The following DLG2 variants were observed in gnomAD, a reference collection of about 807,000 sequenced individuals.
DLG2 encodes disks large homolog 2.
Under a neutral mutation model 132.5 loss-of-function variants are expected in DLG2, and 45 were observed. The observed-to-expected ratio is 0.34, with a 90% CI of 0.27 to 0.44. The LOEUF is 0.44. Among genes scored for constraint, DLG2 ranks in the 20% least tolerant of loss-of-function variants. The pLI is 1.00. For synonymous variants in DLG2, 424 were observed against 419.6 expected, an observed-to-expected ratio of 1.01 and a Z score of -0.13; for missense variants, 1,045 against 1,196.9, an observed-to-expected ratio of 0.87 and a Z score of 1.87.
chr11:85,173,750 A>T (rs994105018), intron 4 of DLG2, among the ~76,000 whole-genome samples: 2 of 152,224 alleles, frequency 1.3e-5, no homozygotes, highest in African/African-American at 2.4e-5. Flanking sequence ...AAAGACACAC[A>T]TAGGCTCAAA....
At chr11:85,311,103 C>T (rs746974420) in intron 3 of DLG2, among the ~76,000 whole-genome samples, 13 of 152,100 alleles carry the variant, frequency 8.5e-5, no homozygotes, top group South Asian at 2.1e-4. Flanking sequence ...TACAAACAAA[C>T]GTAAGCAAAG....
intron 4 of DLG2, among the ~76,000 whole-genome samples, chr11:85,203,837 A>G (rs979357087): frequency 3.9e-5 from 6 of 152,100 alleles, no homozygotes; most frequent in South Asian, 2.1e-4. Context: ...ATCATTTACC[A>G]TAATCAAGTG....
chr11:85,307,078 T>C (rs2079998988), intron 3 of DLG2, among the ~76,000 whole-genome samples: 1 of 152,134 alleles, frequency 6.6e-6, no homozygotes, highest in African/African-American at 2.4e-5. Context: ...GAATAAACTA[T>C]TGTAGGCAAA....
At chr11:85,462,713 G>A (rs2092656786) in intron 3 of DLG2, among the ~76,000 whole-genome samples, 1 of 152,022 alleles carries the variant, frequency 6.6e-6, no homozygotes, top group East Asian at 1.9e-4. Context: ...ATGACGAGTT[G>A]ATGGGTGCAG....
intron 8 of DLG2, among the ~76,000 whole-genome samples, chr11:84,218,240 G>C (rs1482147653): frequency 7.5e-6 from 1 of 132,988 alleles, no homozygotes; most frequent in Non-Finnish European, 1.8e-5. Context: ...AGGAAGGAAA[G>C]GAAGGAAGGA....
chr11:85,590,571 G>A (rs565702027), intron 3 of DLG2, among the ~76,000 whole-genome samples: 1 of 151,430 alleles, frequency 6.6e-6, no homozygotes, highest in Non-Finnish European at 1.5e-5. Flanking sequence ...ATATTACTAC[G>A]CTATTTCAGG....
At chr11:84,988,420 T>G (rs147310241) in intron 6 of DLG2, among the ~76,000 whole-genome samples, 2 of 152,298 alleles carry the variant, frequency 1.3e-5, no homozygotes, top group East Asian at 3.9e-4. Flanking sequence ...ATATGCATAT[T>G]TATAGCAGCA....
chr11:84,912,535 T>C (rs1361997316), intron 6 of DLG2, among the ~76,000 whole-genome samples: 1 of 152,250 alleles, frequency 6.6e-6, no homozygotes, highest in Non-Finnish European at 1.5e-5. Context: ...TTGCTCATGA[T>C]ACAAGGTAGA....
At chr11:83,515,870 T>A (rs1482434401) in intron 21 of DLG2, among the ~76,000 whole-genome samples, 3 of 152,248 alleles carry the variant, frequency 2.0e-5, no homozygotes, top group African/African-American at 7.2e-5. Flanking sequence ...TCTAGTTTAA[T>A]TGCACTGTGG....
In DLG2 at chr11:83,461,996, A is replaced by C; in HGVS notation, c.2821+6T>G. On this transcript the variant is annotated splice_donor_region_variant and intron_variant, in intron 27 of 27. Transcript: ENST00000376104. The stretch of plus-strand genomic sequence containing the variant: ...TCTCACACTACCAGGGTAAAAGTGA[A>C]CTTACCTGTAAAATATTCTCCAAAT... The C allele has an allele frequency of 1.3e-6, 2 of 1,584,874 alleles. No homozygotes were observed. The highest frequency in any genetic ancestry group is 2.2e-5 in the South Asian group (2 of 90,458).
chr11:84,071,063 A>T (rs2096749279), intron 10 of DLG2, among the ~76,000 whole-genome samples: 1 of 152,006 alleles, frequency 6.6e-6, no homozygotes. Flanking sequence ...TTATTTTAAA[A>T]TTTTTCATTT....
intron 10 of DLG2, among the ~76,000 whole-genome samples, chr11:84,094,356 T>C (rs932388436): frequency 4.6e-5 from 7 of 152,200 alleles, no homozygotes; most frequent in African/African-American, 1.4e-4. Flanking sequence ...AGGATTATTA[T>C]TATTGATCTG....
chr11:84,182,174 T>C (rs559246623), intron 8 of DLG2, among the ~76,000 whole-genome samples: 1 of 152,172 alleles, frequency 6.6e-6, no homozygotes, highest in Non-Finnish European at 1.5e-5. Context: ...ACAATGTCTG[T>C]TCTTAACACC....
At chr11:85,496,863 C>G (rs1204940264) in intron 3 of DLG2, among the ~76,000 whole-genome samples, 6 of 151,940 alleles carry the variant, frequency 3.9e-5, no homozygotes, top group African/African-American at 4.8e-5. Context: ...AACTAACAAA[C>G]AGAAAGGAAT....
intron 3 of DLG2, among the ~76,000 whole-genome samples, chr11:85,460,422 G>C (rs1358404033): frequency 2.0e-5 from 3 of 152,130 alleles, no homozygotes; most frequent in African/African-American, 7.2e-5. Flanking sequence ...CAGAACTGTG[G>C]GTCCCTGGGG....
chr11:84,131,072 G>A (rs1328054632), intron 9 of DLG2, among the ~76,000 whole-genome samples: 1 of 151,962 alleles, frequency 6.6e-6, no homozygotes, highest in Non-Finnish European at 1.5e-5. Context: ...TGATAGCCAG[G>A]GTGTGTGGTG....
intron 4 of DLG2, among the ~76,000 whole-genome samples, chr11:85,200,409 G>C (rs1191584194): frequency 6.6e-6 from 1 of 152,106 alleles, no homozygotes; most frequent in Non-Finnish European, 1.5e-5. Flanking sequence ...GCTCAGTGCT[G>C]TTCACGGAAG....
intron 18 of DLG2, among the ~76,000 whole-genome samples, chr11:83,760,513 C>T (rs1792903434): frequency 6.6e-6 from 1 of 151,836 alleles, no homozygotes. Context: ...TGCCACCACG[C>T]CCGGCTAATT....
At chr11:84,958,034 A>G (rs576106126) in intron 6 of DLG2, among the ~76,000 whole-genome samples, 46 of 152,250 alleles carry the variant, frequency 3.0e-4, no homozygotes, top group African/African-American at 1.1e-3. Context: ...GGATACTAAT[A>G]CCATCCTTAT....
Sources: allele counts gnomAD v4.1 joint callset (sites outside exome capture counted in the v4.1 genomes callset), GRCh38; gene constraint gnomAD v4.1.1; transcripts MANE v1.5; gene names NCBI Gene and HGNC (gene_info 2026-07-23, HGNC 2026-07-21).